DDX47: variants seen among roughly 807,000 people sequenced by gnomAD.
The protein encoded by DDX47 is probable ATP-dependent RNA helicase DDX47.
DDX47 carries 60 observed loss-of-function variants against 58.8 expected under a neutral mutation model. The observed-to-expected ratio is 1.02, with a 90% CI of 0.83 to 1.26. The LOEUF is 1.26. Among genes scored for constraint, DDX47 ranks in the 50% most tolerant of loss-of-function variants. The pLI, the probability that DDX47 is intolerant of heterozygous loss-of-function variation, is 0.00. For missense variants in DDX47, 530 were observed against 573.2 expected, an observed-to-expected ratio of 0.92 and a Z score of 0.77; for synonymous variants, 197 against 204.6, an observed-to-expected ratio of 0.96 and a Z score of 0.32.
Position 12,821,726 on chromosome 12 carries a change from GGTGA to G in DDX47, c.442+3_442+6del. 1 of 1,606,328 alleles carries G rather than the reference GGTGA, an allele frequency of 6.2e-7. No homozygotes were observed. Among genetic ancestry groups the G allele is most frequent in the Non-Finnish European group, 8.5e-7 (1 of 1,173,032 alleles). ...TGCAAAAAAACCACATATAATAATAGGTGAGTAACTGACAAAGGTAAAAGACACT... is the reference window on the plus strand; with the variant it reads ...TGCAAAAAAACCACATATAATAATAGGTAACTGACAAAGGTAAAAGACACT... On this transcript the variant is annotated splice_donor_variant and splice_donor_region_variant and intron_variant, in intron 4 of 11. Transcript: ENST00000358007. LOFTEE classifies it high-confidence loss of function.
At chr12:12,827,396 A>G in intron 11 of DDX47, 21 bp downstream of exon 11, 2 of 1,613,242 alleles carry the variant, frequency 1.2e-6, no homozygotes, top group Non-Finnish European at 1.7e-6. Context: ...TTCTTTTCTC[A>G]CCAGTGTCTG....
chr12:12,817,185 T>G (rs952371333), intron 2 of DDX47, among the ~76,000 whole-genome samples: 3 of 152,218 alleles, frequency 2.0e-5, no homozygotes, highest in Non-Finnish European at 2.9e-5. Context: ...CGTTTTCAGT[T>G]TCTGCAAAGT....
rs769510425 is a variant in DDX47, at chr12:12,826,049, A to G, written c.1085A>G (p.Lys362Arg). Reference sequence around the variant, plus strand: ...ACAGCTAGAGCTGGGCGCTCCGGAAAGGCTATTACTTTTGTCACACAGTAA... The same window carrying G: ...ACAGCTAGAGCTGGGCGCTCCGGAAGGGCTATTACTTTTGTCACACAGTAA... ...GRTARAGRSG[K>R]AITFVTQYDV... Residue 362 changes from lysine (K) to arginine (R), a missense_variant, in exon 10 of 12, where the codon AAG becomes AGG. Physicochemically the swap from Lys to Arg is conservative, Grantham distance 26. Transcript: ENST00000358007. 2 of 1,613,786 alleles carry G rather than the reference A, an allele frequency of 1.2e-6. No individual in the cohort carries two copies. Among genetic ancestry groups the G allele is most frequent in the African/African-American group, 1.3e-5 (1 of 74,932 alleles).
intron 11 of DDX47, among the ~76,000 whole-genome samples, chr12:12,828,360 A>G (rs560527969): frequency 3.9e-4 from 59 of 152,272 alleles, no homozygotes; most frequent in African/African-American, 1.4e-3. Context: ...GAAACAAGTG[A>G]ATTTTGTGTT....
chr12:12,829,092 T>A (rs1863094438), intron 11 of DDX47, among the ~76,000 whole-genome samples: 1 of 152,200 alleles, frequency 6.6e-6, no homozygotes, highest in South Asian at 2.1e-4. Context: ...GAATGCCAAA[T>A]TGTCCCCCGC....
Position 12,813,351 on chromosome 12 carries a change from C to T in DDX47, c.-17C>T. On this transcript the variant is annotated 5_prime_UTR_variant, in exon 1 of 12. Coordinates refer to ENST00000358007, the MANE Select transcript of DDX47 (RefSeq NM_016355.4). ...ATCCCGCGCGCCGCAGACCCACTTC[C>T]GGAGACCTCACACAAGATGGCGGCA... 6.2e-7 allele frequency: 1 copy of T among 1,610,766 alleles called. No homozygotes were observed. Among genetic ancestry groups the T allele is most frequent in the Non-Finnish European group, 8.5e-7 (1 of 1,178,268 alleles).
At chr12:12,823,509 A>ATCACAATACTGAGGTCATGATGTAAT in intron 7 of DDX47, 190 bp downstream of exon 7, 2 of 591,540 alleles carry the variant, frequency 3.4e-6, no homozygotes, top group Non-Finnish European at 6.0e-6. Flanking sequence ...AACACATTAA[A>ATCACAATACTGAGGTCATGATGTAAT]TCACAATACT....
Position 12,814,172 on chromosome 12 carries a change from A to T in DDX47, c.129A>T (p.Gly43=), listed in dbSNP as rs751015975. The T allele has an allele frequency of 2.5e-6, 4 of 1,613,848 alleles. No homozygotes were observed. Among genetic ancestry groups the T allele is most frequent in the South Asian group, 1.1e-5 (1 of 91,084 alleles). The change falls in exon 2 of 12, where the codon GGA becomes GGT. Residue 43 remains glycine (G), a synonymous_variant. Coordinates refer to ENST00000358007, the MANE Select transcript of DDX47 (RefSeq NM_016355.4). Reference sequence around the variant, plus strand: ...TGTGTGAAGCTTGTGACCAGTTGGGATGGACAAAACCCACCAAGATCCAGA... The same window carrying T: ...TGTGTGAAGCTTGTGACCAGTTGGGTTGGACAAAACCCACCAAGATCCAGA... The part of the protein sequence containing the change: ...DVLCEACDQL[G]WTKPTKIQIE...
At chr12:12,819,438 A>G (rs1248974297) in intron 2 of DDX47, among the ~76,000 whole-genome samples, 1 of 151,544 alleles carries the variant, frequency 6.6e-6, no homozygotes, top group African/African-American at 2.4e-5. Context: ...GCATATATAT[A>G]TATGTAAGTC....
Position 12,821,294 on chromosome 12 carries a change from C to T in DDX47, c.268C>T (p.Pro90Ser), listed in dbSNP as rs780873695. 1.9e-6 allele frequency: 3 copies of T among 1,614,178 alleles called. No homozygotes were observed. The South Asian group carries it at 3.3e-5, about 18-fold the overall frequency. Residue 90 changes from proline to serine, a missense_variant, in exon 3 of 12, where the codon CCG becomes TCG. Coordinates refer to ENST00000358007, the MANE Select transcript of DDX47 (RefSeq NM_016355.4). ...CATTCTAAACGCACTGCTGGAGACC[C>T]CGCAGCGTTTGTTTGCCCTAGTTCT... ...LPILNALLET[P>S]QRLFALVLTP... is the part of the protein sequence containing the mutation.
At chr12:12,820,476 C>T (rs961019918) in intron 2 of DDX47, 6 of 152,454 alleles carry the variant, frequency 3.9e-5, no homozygotes, top group Admixed American at 3.3e-4. Context: ...TTGTACTTCT[C>T]AGCCTAACTA....
At position 12,821,199 on chromosome 12, in the gene DDX47, T is replaced by A. The variant is rs563363614; in HGVS notation, c.182-9T>A. 4.3e-6 allele frequency: 7 copies of A among 1,613,484 alleles called. No individual in the cohort carries two copies. In the African/African-American group the frequency reaches 6.7e-5, roughly 15 times the overall value. The stretch of plus-strand genomic sequence containing the variant: ...GATTACTTGGCTGTTGAATTTCTTT[T>A]TCTTTTAGGTCGTGATATCATTGGG... On this transcript the variant is annotated splice_polypyrimidine_tract_variant and intron_variant, in intron 2 of 11. Coordinates refer to ENST00000358007, the MANE Select transcript of DDX47 (RefSeq NM_016355.4).
intron 10 of DDX47, chr12:12,826,319 T>C: frequency 3.2e-6 from 1 of 311,988 alleles, no homozygotes; most frequent in Non-Finnish European, 5.9e-6. Context: ...TGGAGAGCAA[T>C]TGCCTTTGTG....
chr12:12,822,168 A>G, intron 5 of DDX47, 85 bp downstream of exon 5: 2 of 810,464 alleles, frequency 2.5e-6, no homozygotes, highest in Admixed American at 2.0e-5. Context: ...TGTTTCATGT[A>G]GAACATTGCA....
At position 12,817,873 on chromosome 12, in the gene DDX47, C is replaced by T. The variant is rs1348746187; in HGVS notation, c.182-3335C>T. Among the ~76,000 whole-genome samples, 3 of 152,242 alleles carry T rather than the reference C, an allele frequency of 2.0e-5. No individual in the cohort carries two copies. In the East Asian group the frequency reaches 5.8e-4, roughly 29 times the overall value. Reference sequence around the variant, plus strand: ...CCTCAGCTGTAGGCAGTGAGCAGTGCTTATTGCTTCATGAACTAAGCGACT... The same window carrying T: ...CCTCAGCTGTAGGCAGTGAGCAGTGTTTATTGCTTCATGAACTAAGCGACT... On this transcript the variant is annotated intron_variant, in intron 2 of 11. Coordinates refer to ENST00000358007, the MANE Select transcript of DDX47 (RefSeq NM_016355.4).
intron 11 of DDX47, among the ~76,000 whole-genome samples, chr12:12,828,234 A>T (rs933077209): frequency 6.6e-6 from 1 of 152,148 alleles, no homozygotes; most frequent in Non-Finnish European, 1.5e-5. Context: ...ACAGGTTGCT[A>T]TCAAGACACA....
At chr12:12,826,322 C>T (rs931826078) in intron 10 of DDX47, 8 of 305,736 alleles carry the variant, frequency 2.6e-5, no homozygotes, top group African/African-American at 1.7e-4. Context: ...AGAGCAATTG[C>T]CTTTGTGTCA....
intron 2 of DDX47, among the ~76,000 whole-genome samples, chr12:12,816,460 A>G (rs979217050): frequency 6.6e-6 from 1 of 152,204 alleles, no homozygotes; most frequent in African/African-American, 2.4e-5. Context: ...TGTATACCAT[A>G]AGTATAATTT....
intron 11 of DDX47, among the ~76,000 whole-genome samples, chr12:12,828,099 C>T (rs994217744): frequency 6.6e-6 from 1 of 151,846 alleles, no homozygotes; most frequent in African/African-American, 2.4e-5. Flanking sequence ...CTCAGGTAAT[C>T]CCCCCGCCTC....
Sources: allele counts gnomAD v4.1 joint callset (sites outside exome capture counted in the v4.1 genomes callset), GRCh38; gene constraint gnomAD v4.1.1; transcripts MANE v1.5; gene names NCBI Gene and HGNC (gene_info 2026-07-23, HGNC 2026-07-21).